VWA3B: variants seen among roughly 807,000 people sequenced by gnomAD.
VWA3B encodes von Willebrand factor A domain containing 3B, also known as von Willebrand factor A domain-containing protein 3B.
A neutral mutation model predicts 158.3 loss-of-function variants in VWA3B; 138 were observed. The ratio of observed to expected loss-of-function variants is 0.87; its 90% CI spans 0.76 to 1.00. VWA3B has a LOEUF of 1.00. Among genes scored for constraint, VWA3B ranks in the 50% least tolerant of loss-of-function variants. The pLI, the probability that VWA3B is intolerant of heterozygous loss-of-function variation, is 0.00. For missense variants in VWA3B, 1,555 were observed against 1,565.1 expected (o/e 0.99, Z 0.11); for synonymous variants, 596 against 587.3 (o/e 1.01, Z -0.21).
At chr2:98,146,885 G>A (rs984616302) in intron 7 of VWA3B, among the ~76,000 whole-genome samples, 1 of 152,160 alleles carries the variant, frequency 6.6e-6, no homozygotes, top group Non-Finnish European at 1.5e-5. Flanking sequence ...GAAGGCGTGG[G>A]CTCTAAGAGC....
At chr2:98,323,288 T>A in the VWA3B span, among the ~76,000 whole-genome samples, 1 of 151,980 alleles carries the variant, frequency 6.6e-6, no homozygotes, top group African/African-American at 2.4e-5. Flanking sequence ...AGTTACTACA[T>A]AAAGTACACT....
intron 8 of VWA3B, among the ~76,000 whole-genome samples, chr2:98,179,782 TTTCTTTTC>T (rs1323810520): frequency 1.4e-5 from 1 of 73,350 alleles, no homozygotes; most frequent in Non-Finnish European, 3.0e-5. Context: ...TTTCTTTCTC[TTTCTTTTC>T]TTTCTTTCTT....
intron 21 of VWA3B, among the ~76,000 whole-genome samples, chr2:98,264,333 T>C (rs1446555845): frequency 6.6e-6 from 1 of 152,082 alleles, no homozygotes; most frequent in Non-Finnish European, 1.5e-5. Flanking sequence ...TTTGGGACCT[T>C]CCTCCTTTTA....
At chr2:98,135,136 G>A (rs902390423) in intron 7 of VWA3B, among the ~76,000 whole-genome samples, 3 of 152,070 alleles carry the variant, frequency 2.0e-5, no homozygotes, top group Admixed American at 2.0e-4. Flanking sequence ...ATTTAATCAC[G>A]GCAAAGAATG....
At chr2:98,218,456 C>T (rs1684215468) in intron 14 of VWA3B, among the ~76,000 whole-genome samples, 1 of 152,056 alleles carries the variant, frequency 6.6e-6, no homozygotes, top group Non-Finnish European at 1.5e-5. Flanking sequence ...CAGGGATACC[C>T]AGGGAGCTAT....
chr2:98,259,921 T>G (rs1354422008), intron 21 of VWA3B, among the ~76,000 whole-genome samples: 1 of 151,746 alleles, frequency 6.6e-6, no homozygotes, highest in Non-Finnish European at 1.5e-5. Flanking sequence ...AATTTGGGTG[T>G]GTTGTGTTTT....
intron 2 of VWA3B, among the ~76,000 whole-genome samples, chr2:98,102,556 G>A (rs899368906): frequency 2.4e-4 from 37 of 152,178 alleles, no homozygotes; most frequent in African/African-American, 8.7e-4. Flanking sequence ...TCACTTCCCA[G>A]ATGGGGCGGC....
intron 8 of VWA3B, among the ~76,000 whole-genome samples, chr2:98,169,673 G>A (rs1342393084): frequency 2.0e-5 from 3 of 151,636 alleles, no homozygotes; most frequent in Admixed American, 6.6e-5. Context: ...CTCCTCTGGC[G>A]CTGAGCTGTT....
intron 21 of VWA3B, among the ~76,000 whole-genome samples, chr2:98,270,119 A>G (rs545862768): frequency 6.6e-6 from 1 of 151,862 alleles, no homozygotes; most frequent in African/African-American, 2.4e-5. Flanking sequence ...CTTATCAGCC[A>G]TAGAAAGTTT....
chr2:98,303,766 A>G lies in VWA3B; in HGVS notation c.3485A>G (p.His1162Arg). The G allele has an allele frequency of 6.2e-7, 1 of 1,614,178 alleles. No individual in the cohort carries two copies. Among genetic ancestry groups the G allele is most frequent in the Non-Finnish European group, 8.5e-7 (1 of 1,180,036 alleles). The change falls in exon 26 of 28, where the codon CAT (histidine) becomes CGT (arginine). Residue 1162 changes from histidine to arginine, a missense_variant. Physicochemically the swap from His to Arg is conservative, Grantham distance 29 (BLOSUM62 0). Transcript: ENST00000477737. ...AACAAGTATGCGCTCTCTTGCTCTC[A>G]TATAAAGTCACCCCCAATTCCTGAG... ...SQNKYALSCS[H>R]IKSPPIPEDP... is the part of the protein sequence containing the mutation.
chr2:98,296,231 T>C (rs1361064831), intron 23 of VWA3B, among the ~76,000 whole-genome samples: 10 of 152,206 alleles, frequency 6.6e-5, no homozygotes, highest in Non-Finnish European at 1.5e-5. Context: ...CCAGTGTGGC[T>C]GTAGTGGCAG....
Position 98,218,010 on chromosome 2 carries a change from T to G in VWA3B, c.2001T>G (p.Thr667=), listed in dbSNP as rs772756241. 6.2e-7 allele frequency: 1 copy of G among 1,610,438 alleles called. No homozygotes were observed. Among genetic ancestry groups the G allele is most frequent in the East Asian group, 2.2e-5 (1 of 44,660 alleles). The stretch of plus-strand genomic sequence containing the variant: ...ATAATTTTGGTTGCAAGGATCCCAC[T>G]CCCCCAGAGGCTGTTCAGGTAAGAG... ...HFYNFGCKDP[T]PPEAVQNEDL... is the part of the protein sequence containing the mutation. Residue 667 remains threonine, a synonymous_variant, in exon 14 of 28, where the codon ACT becomes ACG. Coordinates refer to ENST00000477737, the MANE Select transcript of VWA3B (RefSeq NM_144992.5).
intron 22 of VWA3B, among the ~76,000 whole-genome samples, chr2:98,277,826 C>T (rs1466826481): frequency 6.6e-6 from 1 of 152,134 alleles, no homozygotes; most frequent in Non-Finnish European, 1.5e-5. Context: ...ACTATACATG[C>T]AGGAAGATGT....
chr2:98,321,417 C>G, the VWA3B span, among the ~76,000 whole-genome samples: 1 of 152,252 alleles, frequency 6.6e-6, no homozygotes, highest in Admixed American at 6.5e-5. Context: ...CAGCTTGCAC[C>G]ATGCACCTGG....
At chr2:98,173,128 T>C (rs1323109783) in intron 8 of VWA3B, among the ~76,000 whole-genome samples, 1 of 152,244 alleles carries the variant, frequency 6.6e-6, no homozygotes, top group Non-Finnish European at 1.5e-5. Context: ...AGAGTACTTG[T>C]ACATGTTTAT....
At position 98,194,441 on chromosome 2, in the gene VWA3B, A is replaced by G. The variant is rs139485698; in HGVS notation, c.1686A>G (p.Glu562=). The G allele has an allele frequency of 5.7e-3, 9,221 of 1,614,102 alleles. 46 individuals are homozygous for G. The highest frequency in any genetic ancestry group is 6.4e-3 in the Non-Finnish European group (7,532 of 1,180,004). The change falls in exon 12 of 28, where the codon GAA becomes GAG. Residue 562 remains glutamate, a synonymous_variant. Transcript: ENST00000477737. ...QAVAWREQLA[E]VNEDNLEQAQ... Reference sequence around the variant, plus strand: ...TTGCTTGGCGGGAACAACTTGCTGAAGTCAATGAAGATAATTTGGAACAGG... The same window carrying G: ...TTGCTTGGCGGGAACAACTTGCTGAGGTCAATGAAGATAATTTGGAACAGG...
rs1185960401 is a variant in VWA3B, at chr2:98,230,032, T to A, written c.2151-18T>A. 1 of 1,555,710 alleles carries A rather than the reference T, an allele frequency of 6.4e-7. No homozygotes were observed. The highest frequency in any genetic ancestry group is 8.6e-7 in the Non-Finnish European group (1 of 1,158,000). On this transcript the variant is annotated intron_variant, in intron 15 of 27. Coordinates refer to ENST00000477737, the MANE Select transcript of VWA3B (RefSeq NM_144992.5). ...TCTCTCTCTTTTTTTGCTCGACTTTTTATCTAAATCAAAACAGGCATCAAA... is the reference window on the plus strand; with the variant it reads ...TCTCTCTCTTTTTTTGCTCGACTTTATATCTAAATCAAAACAGGCATCAAA...
chr2:98,263,942 A>C (rs1440363901), intron 21 of VWA3B, among the ~76,000 whole-genome samples: 1 of 151,710 alleles, frequency 6.6e-6, no homozygotes, highest in African/African-American at 2.4e-5. Context: ...CAGTTTTTTA[A>C]TTTATTCATG....
intron 9 of VWA3B, among the ~76,000 whole-genome samples, chr2:98,183,535 G>C (rs1407125653): frequency 1.3e-5 from 2 of 152,176 alleles, no homozygotes; most frequent in Non-Finnish European, 2.9e-5. Flanking sequence ...GGGAATTTCA[G>C]GCCAAGCCTA....
Sources: allele counts gnomAD v4.1 joint callset (sites outside exome capture counted in the v4.1 genomes callset), GRCh38; gene constraint gnomAD v4.1.1; transcripts MANE v1.5; gene names NCBI Gene and HGNC (gene_info 2026-07-23, HGNC 2026-07-21).